The following WWOX variants were observed in gnomAD, a reference collection of about 807,000 sequenced individuals.
The protein encoded by WWOX is WW domain-containing oxidoreductase.
WWOX carries 69 observed loss-of-function variants against 46.2 expected under a neutral mutation model. The ratio of observed to expected loss-of-function variants is 1.49; its 90% CI spans 1.23 to 1.82. WWOX has a LOEUF of 1.82. Among genes scored for constraint, WWOX ranks in the 40% most tolerant of loss-of-function variants. WWOX has a pLI of 0.00. For missense variants in WWOX, 919 were observed against 542.6 expected (o/e 1.69, Z -6.89); for synonymous variants, 359 against 202.6 (o/e 1.77, Z -6.56).
rs1332657233 is a variant in WWOX at position 78,314,697 on chromosome 16, T to G, written c.517-72163T>G. Among the ~76,000 whole-genome samples the G allele has an allele frequency of 1.5e-3, 101 of 67,616 alleles. 2 individuals carry two copies. The highest frequency in any genetic ancestry group is 2.1e-3 in the Admixed American group (14 of 6,630). 44.4% of individuals were successfully genotyped at this position (67,616 alleles called of 152,430 possible). Reference sequence around the variant, plus strand: ...ACCCCACCCTGCAGGGGTTTTTTTTTTTTGTTTTTTTTTTTTTTTTTTTTC... The same window carrying G: ...ACCCCACCCTGCAGGGGTTTTTTTTGTTTGTTTTTTTTTTTTTTTTTTTTC... On this transcript the variant is annotated intron_variant, in intron 5 of 8. Transcript: ENST00000566780.
chr16:78,181,662 A>T (rs911438929), intron 5 of WWOX, among the ~76,000 whole-genome samples: 2 of 152,210 alleles, frequency 1.3e-5, no homozygotes, highest in South Asian at 4.1e-4. Flanking sequence ...ACTTAATACC[A>T]GATAATATTT....
At chr16:78,664,178 A>G (rs556375348) in intron 8 of WWOX, among the ~76,000 whole-genome samples, 13 of 152,180 alleles carry the variant, frequency 8.5e-5, no homozygotes, top group Non-Finnish European at 1.6e-4. Flanking sequence ...ACAATAATGG[A>G]GATAGAGAAA....
chr16:79,068,182 A>G (rs1229985513), intron 8 of WWOX, among the ~76,000 whole-genome samples: 2 of 152,188 alleles, frequency 1.3e-5, no homozygotes, highest in South Asian at 2.1e-4. Flanking sequence ...GCATTGGGTG[A>G]ATGACCCTGT....
intron 8 of WWOX, among the ~76,000 whole-genome samples, chr16:78,970,270 G>T (rs1294724683): frequency 1.3e-5 from 2 of 152,134 alleles, no homozygotes; most frequent in Non-Finnish European, 2.9e-5. Flanking sequence ...ATTTATCCCT[G>T]CCCGAATCAT....
rs573544525 is a variant in WWOX at position 78,103,384 on chromosome 16, C to T, written c.107+3499C>T. On this transcript the variant is annotated intron_variant, in intron 1 of 8. Transcript: ENST00000566780. The stretch of plus-strand genomic sequence containing the variant: ...CAACCCATCACCTAGTTGTTCAGCC[C>T]CCCGTGCATTAGCTATTTATTGTAT... Among the ~76,000 whole-genome samples the T allele has an allele frequency of 2.6e-5, 4 of 152,140 alleles. No individual in the cohort carries two copies. The South Asian group carries it at 8.3e-4, about 32-fold the overall frequency.
chr16:78,180,711 A>C (rs1013156147), intron 5 of WWOX, among the ~76,000 whole-genome samples: 1 of 151,508 alleles, frequency 6.6e-6, no homozygotes, highest in African/African-American at 2.4e-5. Flanking sequence ...ATCCAGCTCC[A>C]TCTGAGATAT....
chr16:78,792,041 A>G (rs950245346), intron 8 of WWOX, among the ~76,000 whole-genome samples: 1 of 152,118 alleles, frequency 6.6e-6, no homozygotes, highest in South Asian at 2.1e-4. Context: ...TGAGCTACAC[A>G]TCCCATAGTC....
chr16:79,111,123 C>T (rs2049408546), intron 8 of WWOX, among the ~76,000 whole-genome samples: 1 of 152,094 alleles, frequency 6.6e-6, no homozygotes, highest in South Asian at 2.1e-4. Flanking sequence ...GACTCAATGG[C>T]AGGGAATAAA....
intron 8 of WWOX, among the ~76,000 whole-genome samples, chr16:78,562,047 C>T (rs1037893669): frequency 4.6e-5 from 7 of 152,068 alleles, no homozygotes; most frequent in African/African-American, 1.7e-4. Context: ...TGTTTTTAGC[C>T]CCGTGGAGGC....
intron 8 of WWOX, among the ~76,000 whole-genome samples, chr16:79,070,268 A>ATGTG (rs4035490): frequency 0.04 from 5,752 of 145,146 alleles, 124 homozygotes; most frequent in Non-Finnish European, 0.053. Flanking sequence ...TGTGTTTCTG[A>ATGTG]TGTGTGTGTG....
chr16:78,247,473 C>G (rs2037848948), intron 5 of WWOX, among the ~76,000 whole-genome samples: 2 of 151,984 alleles, frequency 1.3e-5, no homozygotes, highest in African/African-American at 2.4e-5. Context: ...CAGTCCTAAT[C>G]CTGAAGGAGG....
intron 8 of WWOX, among the ~76,000 whole-genome samples, chr16:78,655,772 C>T (rs989863823): frequency 3.3e-5 from 5 of 152,062 alleles, no homozygotes; most frequent in African/African-American, 1.2e-4. Context: ...CAATTATCAC[C>T]AAATGAAAGT....
At chr16:78,569,078 C>G (rs1316793220) in intron 8 of WWOX, among the ~76,000 whole-genome samples, 1 of 152,150 alleles carries the variant, frequency 6.6e-6, no homozygotes, top group East Asian at 1.9e-4. Flanking sequence ...ACAGGCCACT[C>G]TGTCTGAGGA....
intron 8 of WWOX, among the ~76,000 whole-genome samples, chr16:78,785,511 ATTAT>A (rs2050434390): frequency 2.0e-5 from 3 of 152,192 alleles, no homozygotes; most frequent in South Asian, 2.1e-4. Context: ...CACACAGCTT[ATTAT>A]TTATTATTTC....
chr16:78,754,865 C>T (rs957087595), intron 8 of WWOX, among the ~76,000 whole-genome samples: 1 of 152,134 alleles, frequency 6.6e-6, no homozygotes, highest in African/African-American at 2.4e-5. Flanking sequence ...TGATAACTTA[C>T]TCACAGTCTG....
intron 8 of WWOX, among the ~76,000 whole-genome samples, chr16:78,516,030 CTT>C (rs1195891591): frequency 6.6e-6 from 1 of 152,046 alleles, no homozygotes; most frequent in Non-Finnish European, 1.5e-5. Context: ...TGCTCCCTCT[CTT>C]TAAGGTTTTC....
chr16:78,711,147 T>G (rs1177565354), intron 8 of WWOX, among the ~76,000 whole-genome samples: 2 of 152,214 alleles, frequency 1.3e-5, no homozygotes, highest in African/African-American at 4.8e-5. Context: ...ACCTTCTTTG[T>G]GTCCTCTCTG....
intron 8 of WWOX, among the ~76,000 whole-genome samples, chr16:79,025,360 A>C (rs1289382030): frequency 6.6e-6 from 1 of 152,166 alleles, no homozygotes; most frequent in Non-Finnish European, 1.5e-5. Flanking sequence ...ATTTGAGAAA[A>C]AGGGTCTTTG....
intron 8 of WWOX, among the ~76,000 whole-genome samples, chr16:79,002,363 A>G (rs1165299878): frequency 6.6e-6 from 1 of 151,704 alleles, no homozygotes; most frequent in African/African-American, 2.4e-5. Context: ...AGCTGGGATA[A>G]CAGGTGCACA....
Sources: allele counts gnomAD v4.1 joint callset (sites outside exome capture counted in the v4.1 genomes callset), GRCh38; gene constraint gnomAD v4.1.1; transcripts MANE v1.5; gene names NCBI Gene and HGNC (gene_info 2026-07-23, HGNC 2026-07-21).